EPB41L5: variants seen among roughly 807,000 people sequenced by gnomAD.
EPB41L5 encodes band 4.1-like protein 5.
A neutral mutation model predicts 106.6 loss-of-function variants in EPB41L5; 55 were observed. The ratio of observed to expected loss-of-function variants is 0.52; its 90% confidence interval spans 0.42 to 0.65. EPB41L5 has a LOEUF of 0.65. Ranked by LOEUF, EPB41L5 falls within the 30% of genes least tolerant of loss-of-function variation. EPB41L5 has a pLI of 0.00. For missense variants in EPB41L5, 871 were observed against 882.1 expected (o/e 0.99, Z 0.16); for synonymous variants, 297 against 306.7 (o/e 0.97, Z 0.33).
chr2:120,015,281 C>T (rs1265297185), intron 1 of EPB41L5, among the ~76,000 whole-genome samples: 3 of 150,786 alleles, frequency 2.0e-5, no homozygotes, highest in Non-Finnish European at 4.4e-5. Flanking sequence ...GAGCCCAGAT[C>T]GCGCCACTGC....
At chr2:120,082,774 A>T (rs1682767802) in intron 10 of EPB41L5, among the ~76,000 whole-genome samples, 2 of 152,022 alleles carry the variant, frequency 1.3e-5, no homozygotes, top group Admixed American at 1.3e-4. Flanking sequence ...TTATTGCCTC[A>T]ATTTTAGAGC....
Position 120,054,967 on chromosome 2 carries a change from A to G in EPB41L5, c.285+12857A>G, listed in dbSNP as rs960023735. 2.0e-5 allele frequency among the ~76,000 whole-genome samples: 3 copies of G among 150,664 alleles called. 1 individual carries two copies. Among genetic ancestry groups the G allele is most frequent in the East Asian group, 3.9e-4 (2 of 5,106 alleles). ...CCACGACCTCTGCCTCCCGGGTCCA[A>G]GTGATTCTCCTGCCTCAGCCTCCCA... On this transcript the variant is annotated intron_variant, in intron 3 of 24. Coordinates refer to ENST00000263713, the MANE Select transcript of EPB41L5 (RefSeq NM_020909.4).
At chr2:120,031,045 T>C (rs1399082331) in intron 2 of EPB41L5, among the ~76,000 whole-genome samples, 1 of 151,962 alleles carries the variant, frequency 6.6e-6, no homozygotes, top group Non-Finnish European at 1.5e-5. Flanking sequence ...CCCAGCTAAT[T>C]TTTAGTAGAG....
intron 2 of EPB41L5, among the ~76,000 whole-genome samples, chr2:120,039,536 A>C (rs1679255346): frequency 1.3e-5 from 2 of 152,112 alleles, no homozygotes; most frequent in Admixed American, 1.3e-4. Flanking sequence ...CATTGAAAGT[A>C]ATTTTGTGGC....
At chr2:120,099,703 G>A (rs1684017563) in intron 14 of EPB41L5, among the ~76,000 whole-genome samples, 1 of 152,134 alleles carries the variant, frequency 6.6e-6, no homozygotes, top group Admixed American at 6.5e-5. Flanking sequence ...TGGGATTACA[G>A]GCGTGAGCCA....
intron 16 of EPB41L5, among the ~76,000 whole-genome samples, chr2:120,113,137 C>A (rs1487364070): frequency 1.3e-5 from 2 of 152,278 alleles, no homozygotes; most frequent in African/African-American, 4.8e-5. Context: ...GGTCAGTTTT[C>A]ATGTACTTTT....
At chr2:120,018,605 T>C (rs536069750) in intron 1 of EPB41L5, among the ~76,000 whole-genome samples, 1 of 150,726 alleles carries the variant, frequency 6.6e-6, no homozygotes, top group South Asian at 2.1e-4. Context: ...GTTTTAATGA[T>C]TTTTTTTTTC....
At chr2:120,131,834 C>G in intron 18 of EPB41L5, 119 bp downstream of exon 18, 1 of 685,718 alleles carries the variant, frequency 1.5e-6, no homozygotes, top group Non-Finnish European at 2.5e-6. Flanking sequence ...GTGCTGAGTT[C>G]TTATAAACCT....
chr2:120,052,688 C>T (rs1175153539), intron 3 of EPB41L5, among the ~76,000 whole-genome samples: 1 of 152,194 alleles, frequency 6.6e-6, no homozygotes, highest in Admixed American at 6.5e-5. Context: ...TGAGCTCTGC[C>T]TTACTTTCTG....
At chr2:120,090,326 A>G (rs890359216) in intron 11 of EPB41L5, 21 bp from the exon 12 acceptor site, 4 of 1,572,432 alleles carry the variant, frequency 2.5e-6, no homozygotes, top group African/African-American at 2.7e-5. Context: ...TCATCCTTTT[A>G]TATATACTTT....
chr2:120,115,869 G>A (rs967715700), intron 16 of EPB41L5, among the ~76,000 whole-genome samples: 1 of 152,176 alleles, frequency 6.6e-6, no homozygotes, highest in East Asian at 1.9e-4. Context: ...GAGTGCAGTG[G>A]CACGATCTCA....
At chr2:120,101,449 T>C (rs1485908108) in intron 16 of EPB41L5, 1 of 152,254 alleles carries the variant, frequency 6.6e-6, no homozygotes, top group East Asian at 1.9e-4. Flanking sequence ...CAAATAAATA[T>C]ATGTGGCTTG....
chr2:120,066,424 TGTAA>T (rs1293632540), intron 3 of EPB41L5, among the ~76,000 whole-genome samples: 2 of 152,232 alleles, frequency 1.3e-5, no homozygotes, highest in African/African-American at 2.4e-5. Context: ...AATTTAACAA[TGTAA>T]GTAATTTTTC....
At chr2:120,029,868 C>T (rs1203845547) in intron 2 of EPB41L5, among the ~76,000 whole-genome samples, 1 of 152,210 alleles carries the variant, frequency 6.6e-6, no homozygotes, top group Admixed American at 6.5e-5. Context: ...CGGTTCCACT[C>T]CTCTCACCTT....
At chr2:120,026,643 A>G (rs1247007672) in intron 2 of EPB41L5, among the ~76,000 whole-genome samples, 1 of 152,230 alleles carries the variant, frequency 6.6e-6, no homozygotes, top group Non-Finnish European at 1.5e-5. Context: ...TGTTGGGATT[A>G]CAGGCGTGAG....
chr2:120,134,845 A>G (rs561047270), intron 18 of EPB41L5, among the ~76,000 whole-genome samples: 1 of 152,292 alleles, frequency 6.6e-6, no homozygotes, highest in African/African-American at 2.4e-5. Context: ...ATGGGTAGAA[A>G]CAAGCCCAGA....
intron 1 of EPB41L5, among the ~76,000 whole-genome samples, chr2:120,015,416 G>T (rs1677450469): frequency 1.3e-5 from 2 of 151,838 alleles, no homozygotes; most frequent in South Asian, 2.1e-4. Context: ...CTCCCAAAGT[G>T]CTGGGATTAC....
intron 22 of EPB41L5, among the ~76,000 whole-genome samples, chr2:120,166,484 T>C (rs1188594908): frequency 6.6e-6 from 1 of 151,938 alleles, no homozygotes; most frequent in Non-Finnish European, 1.5e-5. Context: ...AGATGGAGTC[T>C]TGCTTTTTTG....
chr2:120,151,610 C>CT (rs529496809), intron 20 of EPB41L5, among the ~76,000 whole-genome samples: 1,298 of 116,776 alleles, frequency 0.011, 16 homozygotes, highest in African/African-American at 0.037. Flanking sequence ...GCGTCTGGCC[C>CT]TTTTTTTTTT....
Sources: gnomAD v4.1 joint callset for allele counts (sites outside exome capture counted in the v4.1 genomes callset) on GRCh38, gnomAD v4.1.1 for gene constraint, MANE v1.5 for transcripts, NCBI Gene and HGNC (gene_info 2026-07-23, HGNC 2026-07-21) for gene names.